The following NRXN1 variants were observed in gnomAD, a reference collection of about 807,000 sequenced individuals.
NRXN1 encodes the protein neurexin 1, also known as neurexin-1.
NRXN1 carries 39 observed loss-of-function variants against 150.9 expected under a neutral mutation model. The observed-to-expected ratio is 0.26, with a 90% CI of 0.20 to 0.34. The LOEUF (loss-of-function observed/expected upper bound fraction) is 0.34. NRXN1 is among the 10% of genes least tolerant of loss of function. The probability of loss-of-function intolerance (pLI) is 1.00; values close to 1 mark genes in which losing one functional copy is unlikely to be tolerated. For synonymous variants in NRXN1, 924 were observed against 757.0 expected (o/e 1.22, Z -3.62); for missense variants, 1,815 against 1,949.9 (o/e 0.93, Z 1.30).
chr2:50,407,454 T>C (rs551670328), intron 17 of NRXN1, among the ~76,000 whole-genome samples: 19 of 152,282 alleles, frequency 1.2e-4, no homozygotes, highest in Non-Finnish European at 2.2e-4. Flanking sequence ...CTCATTGATA[T>C]TGTCCCTCTC....
At chr2:49,922,296 T>C (rs1458907549) in intron 22 of NRXN1, 45 bp from the exon 23 acceptor site, 1 of 1,543,622 alleles carries the variant, frequency 6.5e-7, no homozygotes, top group African/African-American at 1.4e-5. Flanking sequence ...ATCATTGAGT[T>C]CACTGAATAC....
chr2:50,805,435 A>G (rs1265832220), intron 5 of NRXN1, among the ~76,000 whole-genome samples: 4 of 152,120 alleles, frequency 2.6e-5, no homozygotes, highest in Non-Finnish European at 4.4e-5. Context: ...TGGGCAGATC[A>G]CTTGAGGCCA....
chr2:50,869,042 C>G (rs1559372835), intron 5 of NRXN1, among the ~76,000 whole-genome samples: 1 of 151,780 alleles, frequency 6.6e-6, no homozygotes. Context: ...CCTTCATGTT[C>G]ATAGTCCAAT....
chr2:50,951,334 T>G (rs1371064381), intron 2 of NRXN1, among the ~76,000 whole-genome samples: 1 of 152,156 alleles, frequency 6.6e-6, no homozygotes, highest in Non-Finnish European at 1.5e-5. Flanking sequence ...GGGTAGGGGT[T>G]GGGGTACTAA....
Position 50,422,651 on chromosome 2 carries a change from C to A in NRXN1, c.3364+42791G>T, listed in dbSNP as rs2084089903. Among the ~76,000 whole-genome samples, 4 of 152,202 alleles carry A rather than the reference C, an allele frequency of 2.6e-5. No homozygotes were observed. In the South Asian group the frequency reaches 8.3e-4, roughly 32 times the overall value. ...AGACATAGCAGAATATTTCACAACT[C>A]CTCATCAATCTAGATCAATTACTTA... On this transcript the variant is annotated intron_variant, in intron 17 of 22. Transcript: ENST00000401669.
At chr2:50,049,177 C>A (rs908875407) in intron 21 of NRXN1, among the ~76,000 whole-genome samples, 1 of 151,990 alleles carries the variant, frequency 6.6e-6, no homozygotes, top group African/African-American at 2.4e-5. Flanking sequence ...TTTTGAGAGT[C>A]AAAAATATAC....
chr2:50,360,324 TAG>T (rs2079099215), intron 17 of NRXN1, among the ~76,000 whole-genome samples: 1 of 152,128 alleles, frequency 6.6e-6, no homozygotes. Context: ...GCAAATTGGA[TAG>T]AGTCAAGACC....
At chr2:51,013,863 T>A (rs1668270202) in intron 2 of NRXN1, among the ~76,000 whole-genome samples, 1 of 152,062 alleles carries the variant, frequency 6.6e-6, no homozygotes, top group African/African-American at 2.4e-5. Context: ...CCACTGCCAG[T>A]TTTCCTTAGT....
chr2:50,677,824 C>T (rs377099172), intron 5 of NRXN1, among the ~76,000 whole-genome samples: 1 of 152,022 alleles, frequency 6.6e-6, no homozygotes. Context: ...AAACCCATTC[C>T]TACTTCTTCG....
intron 5 of NRXN1, among the ~76,000 whole-genome samples, chr2:50,677,046 C>T (rs1574065530): frequency 6.6e-6 from 1 of 151,970 alleles, no homozygotes; most frequent in Non-Finnish European, 1.5e-5. Context: ...TCATCCTACT[C>T]CTTCTTTGCT....
intron 21 of NRXN1, among the ~76,000 whole-genome samples, chr2:49,949,553 G>A (rs1434350698): frequency 6.6e-6 from 1 of 151,772 alleles, no homozygotes; most frequent in Non-Finnish European, 1.5e-5. Context: ...AATCTGTTTT[G>A]TAAGGAAAAG....
At chr2:50,585,382 T>G (rs12713116) in intron 8 of NRXN1, among the ~76,000 whole-genome samples, 2 of 151,912 alleles carry the variant, frequency 1.3e-5, no homozygotes, top group Non-Finnish European at 2.9e-5. Context: ...GAGAAGAATA[T>G]GTGGTGTTGT....
intron 12 of NRXN1, among the ~76,000 whole-genome samples, chr2:50,511,162 G>A (rs1183924190): frequency 6.6e-6 from 1 of 151,988 alleles, no homozygotes; most frequent in Non-Finnish European, 1.5e-5. Context: ...CCAGGTTCAA[G>A]TGACTCTCCT....
chr2:50,749,477 G>A (rs17041013), intron 5 of NRXN1, among the ~76,000 whole-genome samples: 2 of 151,934 alleles, frequency 1.3e-5, no homozygotes, highest in Non-Finnish European at 2.9e-5. Flanking sequence ...AGGAATTAGT[G>A]CATAACCCTC....
At chr2:50,976,716 T>C (rs1695901937) in intron 2 of NRXN1, among the ~76,000 whole-genome samples, 1 of 151,764 alleles carries the variant, frequency 6.6e-6, no homozygotes, top group Non-Finnish European at 1.5e-5. Context: ...AAATTGAGCA[T>C]ACCACAAACA....
chr2:50,605,067 T>C (rs745398050), intron 8 of NRXN1, among the ~76,000 whole-genome samples: 5 of 152,280 alleles, frequency 3.3e-5, no homozygotes, highest in South Asian at 4.1e-4. Context: ...TAAAATTACA[T>C]TACAGTAGCA....
intron 19 of NRXN1, among the ~76,000 whole-genome samples, chr2:50,068,339 T>A (rs553716728): frequency 5.3e-5 from 8 of 152,330 alleles, no homozygotes; most frequent in Non-Finnish European, 1.2e-4. Flanking sequence ...AACCATTTTT[T>A]TCTTTTTGTA....
intron 2 of NRXN1, among the ~76,000 whole-genome samples, chr2:51,021,748 TA>T (rs1669651180): frequency 6.6e-6 from 1 of 151,992 alleles, no homozygotes; most frequent in South Asian, 2.1e-4. Context: ...CTAAAACTAT[TA>T]AAACTTTTCC....
chr2:50,219,848 C>G (rs2063673543), intron 18 of NRXN1, among the ~76,000 whole-genome samples: 1 of 144,710 alleles, frequency 6.9e-6, no homozygotes, highest in Admixed American at 7.1e-5. Context: ...TATAACCACA[C>G]TACTGTACTC....
Sources: gnomAD v4.1 joint callset for allele counts (sites outside exome capture counted in the v4.1 genomes callset) on GRCh38, gnomAD v4.1.1 for gene constraint, MANE v1.5 for transcripts, NCBI Gene and HGNC (gene_info 2026-07-23, HGNC 2026-07-21) for gene names.